The following CCSER1 variants were observed in gnomAD, a reference collection of about 807,000 sequenced individuals.
The protein encoded by CCSER1 is coiled-coil serine rich protein 1.
CCSER1 carries 41 observed loss-of-function variants against 82.0 expected under a neutral mutation model. The ratio of observed to expected loss-of-function variants is 0.50; its 90% CI spans 0.39 to 0.65. The LOEUF (loss-of-function observed/expected upper bound fraction) is 0.65, where lower values mean the gene tolerates loss of function less well. CCSER1 is among the 30% of genes least tolerant of loss of function. The pLI is 0.00. For synonymous variants in CCSER1, 414 were observed against 383.9 expected, an observed-to-expected ratio of 1.08 and a Z score of -0.92; for missense variants, 1,119 against 1,064.2, an observed-to-expected ratio of 1.05 and a Z score of -0.72.
chr4:91,184,243 G>T (rs577812394), intron 10 of CCSER1, among the ~76,000 whole-genome samples: 29 of 152,346 alleles, frequency 1.9e-4, no homozygotes, highest in Non-Finnish European at 2.9e-5. Context: ...CTGGCAAATT[G>T]TGGGACTGTT....
intron 3 of CCSER1, among the ~76,000 whole-genome samples, chr4:90,367,202 G>A (rs1746429252): frequency 6.6e-6 from 1 of 150,424 alleles, no homozygotes; most frequent in African/African-American, 2.5e-5. Flanking sequence ...ATGCATTCTG[G>A]AAGCAATGAC....
At chr4:90,620,823 T>G (rs868421367) in intron 5 of CCSER1, among the ~76,000 whole-genome samples, 1 of 152,182 alleles carries the variant, frequency 6.6e-6, no homozygotes, top group African/African-American at 2.4e-5. Context: ...TTCTTTTATT[T>G]TTTTTAAACG....
chr4:90,248,680 A>T (rs1267125223), intron 1 of CCSER1, among the ~76,000 whole-genome samples: 3 of 151,460 alleles, frequency 2.0e-5, no homozygotes, highest in Admixed American at 6.6e-5. Flanking sequence ...GCATTGACTG[A>T]TTTATGTGTA....
intron 10 of CCSER1, among the ~76,000 whole-genome samples, chr4:91,448,632 CATA>C (rs2149416453): frequency 6.6e-6 from 1 of 151,852 alleles, no homozygotes; most frequent in Admixed American, 6.6e-5. Context: ...GGCGTTTTAC[CATA>C]ATAAAATAAA....
chr4:91,046,803 C>T (rs895686476), intron 9 of CCSER1, among the ~76,000 whole-genome samples: 5 of 151,898 alleles, frequency 3.3e-5, no homozygotes, highest in African/African-American at 1.2e-4. Flanking sequence ...CTACAACCCG[C>T]ACCTCCCAGG....
chr4:90,893,022 C>G (rs1204182601), intron 8 of CCSER1, among the ~76,000 whole-genome samples: 1 of 152,016 alleles, frequency 6.6e-6, no homozygotes, highest in Non-Finnish European at 1.5e-5. Context: ...CTTCTGAGTA[C>G]TACTATTCTC....
Position 91,098,788 on chromosome 4 carries a change from G to A in CCSER1, c.2217+12794G>A, listed in dbSNP as rs149890937. Among the ~76,000 whole-genome samples the A allele has an allele frequency of 2.3e-3, 354 of 152,152 alleles. 2 individuals are homozygous for A. Among genetic ancestry groups the A allele is most frequent in the African/African-American group, 8.0e-3 (330 of 41,506 alleles). ...GATCTCCTGATGTCGTGATCTGCCCGCCTCGGCCTCCCAAAGTGCTGGGAT... is the reference window on the plus strand; with the variant it reads ...GATCTCCTGATGTCGTGATCTGCCCACCTCGGCCTCCCAAAGTGCTGGGAT... On this transcript the variant is annotated intron_variant, in intron 10 of 10. Coordinates refer to ENST00000509176, the MANE Select transcript of CCSER1 (RefSeq NM_001145065.2).
intron 9 of CCSER1, among the ~76,000 whole-genome samples, chr4:90,983,921 C>T (rs1018390419): frequency 6.6e-6 from 1 of 151,726 alleles, no homozygotes; most frequent in African/African-American, 2.4e-5. Flanking sequence ...TGCTTGTCTC[C>T]TTGAGAGATT....
chr4:91,586,617 G>C (rs1393644647), intron 10 of CCSER1, among the ~76,000 whole-genome samples: 1 of 151,732 alleles, frequency 6.6e-6, no homozygotes, highest in Non-Finnish European at 1.5e-5. Flanking sequence ...TGACAACTTA[G>C]AGATTTTCAA....
chr4:91,324,522 T>G (rs769718647), intron 10 of CCSER1, among the ~76,000 whole-genome samples: 1 of 152,096 alleles, frequency 6.6e-6, no homozygotes, highest in Non-Finnish European at 1.5e-5. Flanking sequence ...AGAAAAATAT[T>G]ACATAGAACA....
At chr4:90,277,694 A>G (rs1728091473) in intron 1 of CCSER1, among the ~76,000 whole-genome samples, 1 of 151,892 alleles carries the variant, frequency 6.6e-6, no homozygotes, top group Non-Finnish European at 1.5e-5. Flanking sequence ...TGGATTAAAG[A>G]CTTAAACATA....
At chr4:90,637,962 C>G (rs749629815) in intron 6 of CCSER1, among the ~76,000 whole-genome samples, 3 of 152,094 alleles carry the variant, frequency 2.0e-5, no homozygotes, top group Non-Finnish European at 2.9e-5. Context: ...TCTTAAATTC[C>G]TTTTGGGGTT....
In CCSER1 at chr4:91,163,599, A is replaced by C. The variant is rs149520299; in HGVS notation, c.2217+77605A>C. On this transcript the variant is annotated intron_variant, in intron 10 of 10. Transcript: ENST00000509176. ...TTGTAGGTCTCTAAGGACTTGGTTT[A>C]TGAATCTAGATGCTTCTGTGTTGGG... 9.4e-3 allele frequency among the ~76,000 whole-genome samples: 1,436 copies of C among 152,288 alleles called. 59 individuals are homozygous for C. Among genetic ancestry groups the C allele is most frequent in the Admixed American group, 0.067 (1,031 of 15,284 alleles).
intron 5 of CCSER1, among the ~76,000 whole-genome samples, chr4:90,597,878 A>T (rs1783532635): frequency 6.6e-6 from 1 of 152,064 alleles, no homozygotes; most frequent in African/African-American, 2.4e-5. Context: ...TAGATTCCAC[A>T]TATAAATGCA....
intron 6 of CCSER1, among the ~76,000 whole-genome samples, chr4:90,645,226 T>C (rs1727342152): frequency 6.6e-6 from 1 of 152,202 alleles, no homozygotes; most frequent in African/African-American, 2.4e-5. Context: ...TATCAGTGAA[T>C]TATAAGCATG....
intron 5 of CCSER1, among the ~76,000 whole-genome samples, chr4:90,511,416 CA>C (rs1243437522): frequency 6.6e-6 from 1 of 151,844 alleles, no homozygotes; most frequent in Admixed American, 6.6e-5. Context: ...GACTCCATCT[CA>C]AAAAAAGAAA....
At chr4:91,415,456 A>C (rs559770649) in intron 10 of CCSER1, among the ~76,000 whole-genome samples, 95 of 152,116 alleles carry the variant, frequency 6.2e-4, no homozygotes, top group African/African-American at 1.9e-3. Flanking sequence ...ATGTTGATTA[A>C]GCATGGTAAG....
intron 9 of CCSER1, among the ~76,000 whole-genome samples, chr4:90,989,832 ATAGAAT>A (rs1736873507): frequency 6.6e-6 from 1 of 151,930 alleles, no homozygotes; most frequent in African/African-American, 2.4e-5. Context: ...AAACAGGGAG[ATAGAAT>A]TAGAGAGAGA....
intron 10 of CCSER1, among the ~76,000 whole-genome samples, chr4:91,482,959 G>T (rs558846153): frequency 6.6e-6 from 1 of 152,040 alleles, no homozygotes; most frequent in Non-Finnish European, 1.5e-5. Flanking sequence ...TGGGGGGAGC[G>T]GGGAGGGATA....
Sources: allele counts gnomAD v4.1 joint callset (sites outside exome capture counted in the v4.1 genomes callset), GRCh38; gene constraint gnomAD v4.1.1; transcripts MANE v1.5; gene names NCBI Gene and HGNC (gene_info 2026-07-23, HGNC 2026-07-21).